ARHGAP42: variants seen among roughly 807,000 people sequenced by gnomAD.
ARHGAP42 encodes the protein rho GTPase-activating protein 42.
A neutral mutation model predicts 125.0 loss-of-function variants in ARHGAP42; 63 were observed. The observed-to-expected ratio is 0.50, with a 90% confidence interval of 0.41 to 0.62. ARHGAP42 has a LOEUF of 0.62. ARHGAP42 is among the 20% of genes least tolerant of loss of function. The pLI is 0.00. For synonymous variants in ARHGAP42, 339 were observed against 351.0 expected, an observed-to-expected ratio of 0.97 and a Z score of 0.38; for missense variants, 766 against 1,024.2, an observed-to-expected ratio of 0.75 and a Z score of 3.44.
chr11:100,719,313 C>T (rs1437451056), intron 1 of ARHGAP42, among the ~76,000 whole-genome samples: 1 of 152,154 alleles, frequency 6.6e-6, no homozygotes, highest in African/African-American at 2.4e-5. Context: ...GATTTTACTG[C>T]AGATTAAGAC....
intron 4 of ARHGAP42, among the ~76,000 whole-genome samples, chr11:100,881,678 C>T (rs888531629): frequency 1.3e-5 from 2 of 152,076 alleles, no homozygotes; most frequent in Non-Finnish European, 2.9e-5. Flanking sequence ...ACTATGGTCA[C>T]TTTCACAATA....
intron 4 of ARHGAP42, among the ~76,000 whole-genome samples, chr11:100,910,264 G>T (rs924874999): frequency 6.6e-6 from 1 of 151,946 alleles, no homozygotes; most frequent in East Asian, 1.9e-4. Context: ...AGTAAGTAAC[G>T]GCAGCAACTA....
At chr11:100,887,902 T>C (rs1866130074) in intron 4 of ARHGAP42, among the ~76,000 whole-genome samples, 2 of 152,152 alleles carry the variant, frequency 1.3e-5, no homozygotes, top group Admixed American at 6.5e-5. Context: ...GCTCCAGAGA[T>C]CCCCACTGAG....
At chr11:100,859,718 C>A in intron 4 of ARHGAP42, 93 bp downstream of exon 4, 1 of 1,026,760 alleles carries the variant, frequency 9.7e-7, no homozygotes, top group South Asian at 2.0e-5. Flanking sequence ...TTAGAATGAC[C>A]TTTTAAAAGA....
intron 2 of ARHGAP42, among the ~76,000 whole-genome samples, chr11:100,786,314 T>C (rs1446454534): frequency 6.6e-6 from 1 of 152,214 alleles, no homozygotes; most frequent in East Asian, 1.9e-4. Flanking sequence ...GGCACAACAC[T>C]TATTGCATTG....
At chr11:100,932,591 T>C (rs1020080472) in intron 6 of ARHGAP42, among the ~76,000 whole-genome samples, 1 of 152,158 alleles carries the variant, frequency 6.6e-6, no homozygotes, top group Admixed American at 6.5e-5. Flanking sequence ...AAACCTGTGT[T>C]ATCTAGTTCA....
At chr11:100,906,219 A>G (rs1866732326) in intron 4 of ARHGAP42, among the ~76,000 whole-genome samples, 1 of 152,168 alleles carries the variant, frequency 6.6e-6, no homozygotes, top group Non-Finnish European at 1.5e-5. Flanking sequence ...ACCCCTCAGT[A>G]TTCTCCTGAG....
intron 4 of ARHGAP42, among the ~76,000 whole-genome samples, chr11:100,868,043 T>C (rs967352172): frequency 6.6e-6 from 1 of 152,130 alleles, no homozygotes; most frequent in South Asian, 2.1e-4. Flanking sequence ...ACAATCACAA[T>C]AGTGGTGTCA....
chr11:100,706,542 A>C (rs970094618), intron 1 of ARHGAP42, among the ~76,000 whole-genome samples: 4 of 152,216 alleles, frequency 2.6e-5, no homozygotes, highest in African/African-American at 9.6e-5. Context: ...CAGGGAATTG[A>C]TATTTGTATT....
At chr11:100,982,233 G>T (rs997000627) in intron 22 of ARHGAP42, among the ~76,000 whole-genome samples, 5 of 152,166 alleles carry the variant, frequency 3.3e-5, no homozygotes, top group African/African-American at 1.2e-4. Context: ...ATCAGGAGAG[G>T]ACACTGGTTT....
intron 20 of ARHGAP42, 80 bp downstream of exon 20, chr11:100,976,517 G>C: frequency 6.9e-7 from 1 of 1,443,102 alleles, no homozygotes; most frequent in African/African-American, 1.4e-5. Context: ...GTTAAGCAGG[G>C]ATAAAGTTAA....
intron 2 of ARHGAP42, among the ~76,000 whole-genome samples, chr11:100,792,619 G>A (rs902452926): frequency 6.6e-6 from 1 of 152,042 alleles, no homozygotes; most frequent in Non-Finnish European, 1.5e-5. Context: ...AACAACTTTG[G>A]CAAAATAAGT....
chr11:100,928,314 G>A (rs1867482927), intron 6 of ARHGAP42, among the ~76,000 whole-genome samples: 1 of 152,116 alleles, frequency 6.6e-6, no homozygotes, highest in South Asian at 2.1e-4. Context: ...AACAACTTCA[G>A]GCCAGGCATG....
At chr11:100,947,114 C>T (rs10791437) in intron 10 of ARHGAP42, among the ~76,000 whole-genome samples, 134,018 of 151,912 alleles carry the variant, frequency 0.88, 59,203 homozygotes, top group East Asian at 1. Context: ...GCAGTAAAGT[C>T]TTCAATGGGT....
At chr11:100,898,238 T>A (rs1481861841) in intron 4 of ARHGAP42, among the ~76,000 whole-genome samples, 1 of 152,204 alleles carries the variant, frequency 6.6e-6, no homozygotes, top group African/African-American at 2.4e-5. Flanking sequence ...CTGGATTCAG[T>A]TTGCCAGTAT....
At chr11:100,699,430 TAG>T (rs1449633051) in intron 1 of ARHGAP42, among the ~76,000 whole-genome samples, 1 of 146,392 alleles carries the variant, frequency 6.8e-6, no homozygotes, top group South Asian at 2.2e-4. Context: ...TTTTTATATA[TAG>T]AGAGATTAAT....
intron 2 of ARHGAP42, among the ~76,000 whole-genome samples, chr11:100,781,374 G>C (rs1322376884): frequency 6.6e-6 from 1 of 151,994 alleles, no homozygotes; most frequent in Non-Finnish European, 1.5e-5. Flanking sequence ...GTATAGTGGA[G>C]TAGAAGGAGA....
chr11:100,948,715 C>T (rs1591315217), intron 11 of ARHGAP42, among the ~76,000 whole-genome samples, 180 bp downstream of exon 11: 1 of 152,086 alleles, frequency 6.6e-6, no homozygotes, highest in African/African-American at 2.4e-5. Flanking sequence ...CATAACTCTA[C>T]CTTTCTGACT....
chr11:100,958,250 G>A (rs916183594), intron 12 of ARHGAP42, among the ~76,000 whole-genome samples: 3 of 150,216 alleles, frequency 2.0e-5, no homozygotes, highest in African/African-American at 4.9e-5. Context: ...GCATTTTGGG[G>A]TTATTGGAAG....
Sources: gnomAD v4.1 joint callset for allele counts (sites outside exome capture counted in the v4.1 genomes callset) on GRCh38, gnomAD v4.1.1 for gene constraint, MANE v1.5 for transcripts, NCBI Gene and HGNC (gene_info 2026-07-23, HGNC 2026-07-21) for gene names.